The following CGGBP1 variants were observed in gnomAD, a reference collection of about 807,000 sequenced individuals.
The protein encoded by CGGBP1 is CGG triplet repeat-binding protein 1.
Under a neutral mutation model 11.4 loss-of-function variants are expected in CGGBP1, and 4 were observed. That is an observed-to-expected ratio of 0.35 (90% CI 0.17 to 0.80). The LOEUF (loss-of-function observed/expected upper bound fraction) is 0.80, where lower values mean the gene tolerates loss of function less well. CGGBP1 is among the 30% of genes least tolerant of loss of function. The pLI, the probability that CGGBP1 is intolerant of heterozygous loss-of-function variation, is 0.52. For synonymous variants in CGGBP1, 76 were observed against 74.1 expected (o/e 1.03, Z -0.13); for missense variants, 135 against 202.1 (o/e 0.67, Z 2.01).
At chr3:88,134,153 G>A (rs1261809304) in intron 2 of CGGBP1, among the ~76,000 whole-genome samples, 1 of 151,176 alleles carries the variant, frequency 6.6e-6, no homozygotes, top group Non-Finnish European at 1.5e-5. Context: ...TAAATAGCTA[G>A]TATGAAATGG....
intron 2 of CGGBP1, among the ~76,000 whole-genome samples, chr3:88,107,019 A>T (rs982132423): frequency 2.0e-5 from 3 of 152,210 alleles, no homozygotes; most frequent in African/African-American, 7.2e-5. Flanking sequence ...GAGGCTTTAC[A>T]AAATTGGCTG....
In CGGBP1 at chr3:88,145,466, T is replaced by C. The variant is rs185716236; in HGVS notation, c.-338+4245A>G. 2.7e-3 allele frequency among the ~76,000 whole-genome samples: 406 copies of C among 152,248 alleles called. 2 individuals are homozygous for C. The highest frequency in any genetic ancestry group is 8.5e-3 in the African/African-American group (354 of 41,564). ...GTCATATGATCTTAGACTCAATATA[T>C]TCCATATTCAAAATAATGAATGTAG... On this transcript the variant is annotated intron_variant, in intron 1 of 3. Transcript: ENST00000462901.
Position 88,055,241 on chromosome 3 carries a change from G to A in CGGBP1, c.*232C>T, listed in dbSNP as rs1392591246. Reference sequence around the variant, plus strand: ...TTTTAAAGATAACCATCAGGTTTCAGGTATCCTAGCACACTCTAAACCTAG... The same window carrying A: ...TTTTAAAGATAACCATCAGGTTTCAAGTATCCTAGCACACTCTAAACCTAG... On this transcript the variant is annotated 3_prime_UTR_variant, in exon 4 of 4. Coordinates refer to ENST00000482016, the MANE Select transcript of CGGBP1 (RefSeq NM_001008390.2). The surrounding 1 kb of genome is among the most constrained non-coding windows in gnomAD (Gnocchi z 4.2). 2 of 372,266 alleles carry A rather than the reference G, an allele frequency of 5.4e-6. No homozygotes were observed. The highest frequency in any genetic ancestry group is 4.8e-6 in the Non-Finnish European group (1 of 209,866). 23.1% of individuals were successfully genotyped at this position (372,266 alleles called of 1,614,324 possible).
chr3:88,104,545 T>G (rs913307636), intron 2 of CGGBP1, among the ~76,000 whole-genome samples: 14 of 152,336 alleles, frequency 9.2e-5, no homozygotes, highest in Admixed American at 4.6e-4. Context: ...TAGTGAAATA[T>G]TATTGGTTTG....
At chr3:88,099,059 A>G (rs1267101268) in intron 2 of CGGBP1, among the ~76,000 whole-genome samples, 1 of 152,236 alleles carries the variant, frequency 6.6e-6, no homozygotes, top group Non-Finnish European at 1.5e-5. Flanking sequence ...CTGTTTGCAG[A>G]TGACATGATT....
At chr3:88,127,124 G>T (rs1295364236) in intron 2 of CGGBP1, among the ~76,000 whole-genome samples, 1 of 152,206 alleles carries the variant, frequency 6.6e-6, no homozygotes, top group Non-Finnish European at 1.5e-5. Context: ...ATTTAAAAGT[G>T]TGGAGAGAGC....
At position 88,055,345 on chromosome 3, in the gene CGGBP1, A is replaced by G. The variant is rs889958655; in HGVS notation, c.*128T>C. 2.2e-6 allele frequency: 2 copies of G among 914,304 alleles called. No homozygotes were observed. Among genetic ancestry groups the G allele is most frequent in the African/African-American group, 3.3e-5 (2 of 60,112 alleles). 56.6% of individuals were successfully genotyped at this position (914,304 alleles called of 1,614,324 possible). A position where few individuals can be genotyped will look rare whatever the true frequency, so the allele number is the denominator to read the frequency against. On this transcript the variant is annotated 3_prime_UTR_variant, in exon 4 of 4. Transcript: ENST00000482016. The surrounding 1 kb of genome is among the most constrained non-coding windows in gnomAD (Gnocchi z 4.2). ...TGGTTTTTTTTTTGCCTGCAACTAT[A>G]TACACATTGCAAAACTATTCTGCGT... is the stretch of plus-strand genomic sequence containing the variant.
At position 88,109,142 on chromosome 3, in the gene CGGBP1, AGTGTGTGT is replaced by A. The variant is rs35595112; in HGVS notation, c.-229+31820_-229+31827del. Among the ~76,000 whole-genome samples, 443 of 142,526 alleles carry A rather than the reference AGTGTGTGT, an allele frequency of 3.1e-3. 2 individuals are homozygous for A. The highest frequency in any genetic ancestry group is 9.7e-3 in the African/African-American group (373 of 38,612). The allele number at this position is 142,526 out of a possible 152,430, so 93.5% of individuals were successfully genotyped here. A position where few individuals can be genotyped will look rare whatever the true frequency, so the allele number is the denominator to read the frequency against. ...TATCCCCTGTGGATAAGTGGGCACT[AGTGTGTGT>A]GTGTGTGTGTGTGTGTGTGTGTGTG... On this transcript the variant is annotated intron_variant, in intron 2 of 3. Coordinates refer to the CGGBP1 transcript ENST00000462901.
chr3:88,091,941 A>G lies in CGGBP1; in HGVS notation c.-228-33718T>C, dbSNP rs116319610. Reference sequence around the variant, plus strand: ...CTTCATAGCAGTATGAAAATGGACTAAAACACTAGCTTTTCTACTACTGCC... The same window carrying G: ...CTTCATAGCAGTATGAAAATGGACTGAAACACTAGCTTTTCTACTACTGCC... On this transcript the variant is annotated intron_variant, in intron 2 of 3. Coordinates refer to the CGGBP1 transcript ENST00000462901. Among the ~76,000 whole-genome samples the G allele has an allele frequency of 2.6e-3, 401 of 152,338 alleles. 1 individual carries two copies. The highest frequency in any genetic ancestry group is 9.4e-3 in the African/African-American group (390 of 41,576).
chr3:88,094,564 A>G (rs1703943743), intron 2 of CGGBP1, among the ~76,000 whole-genome samples: 1 of 152,152 alleles, frequency 6.6e-6, no homozygotes, highest in Non-Finnish European at 1.5e-5. Context: ...TTCTAAAGGA[A>G]GGAAAGCTTG....
chr3:88,074,232 G>A (rs1707671408), intron 2 of CGGBP1, among the ~76,000 whole-genome samples: 1 of 152,136 alleles, frequency 6.6e-6, no homozygotes, highest in South Asian at 2.1e-4. Flanking sequence ...ATGATTTAGA[G>A]ATGGGTATTT....
At chr3:88,070,514 A>C (rs556109842) in intron 2 of CGGBP1, among the ~76,000 whole-genome samples, 21 of 152,004 alleles carry the variant, frequency 1.4e-4, no homozygotes, top group Admixed American at 3.9e-4. Context: ...ATACCAAAAA[A>C]AGTTATGAAC....
chr3:88,118,978 G>A (rs1373514724), intron 2 of CGGBP1, among the ~76,000 whole-genome samples: 3 of 148,836 alleles, frequency 2.0e-5, no homozygotes, highest in Non-Finnish European at 3.0e-5. Flanking sequence ...TCAGTGTGGC[G>A]ATTCCTCAGG....
chr3:88,108,712 A>G (rs1191901523), intron 2 of CGGBP1, among the ~76,000 whole-genome samples: 2 of 152,064 alleles, frequency 1.3e-5, no homozygotes, highest in Non-Finnish European at 2.9e-5. Context: ...TGTTCAGGTA[A>G]CCCTTATTTT....
In CGGBP1 at chr3:88,055,256, T is replaced by A; in HGVS notation, c.*217A>T. On this transcript the variant is annotated 3_prime_UTR_variant, in exon 4 of 4. Transcript: ENST00000482016. The surrounding 1 kb of genome is among the most constrained non-coding windows in gnomAD (Gnocchi z 4.2). ...TCAGGTTTCAGGTATCCTAGCACAC[T>A]CTAAACCTAGGTTTTGCTTTATACC... The A allele has an allele frequency of 2.4e-6, 1 of 421,340 alleles. No homozygotes were observed. Among genetic ancestry groups the A allele is most frequent in the Non-Finnish European group, 4.2e-6 (1 of 239,872 alleles). 26.1% of individuals were successfully genotyped at this position (421,340 alleles called of 1,614,324 possible).
chr3:88,092,029 A>G (rs1703771417), intron 2 of CGGBP1, among the ~76,000 whole-genome samples: 2 of 152,240 alleles, frequency 1.3e-5, no homozygotes, highest in Admixed American at 1.3e-4. Context: ...TGTAAGGCAA[A>G]AGAAATATGT....
At chr3:88,119,001 G>A (rs1705587336) in intron 2 of CGGBP1, among the ~76,000 whole-genome samples, 1 of 149,246 alleles carries the variant, frequency 6.7e-6, no homozygotes, top group South Asian at 2.2e-4. Context: ...TCTAGAACTG[G>A]AAATACCATT....
At chr3:88,121,930 G>A (rs1705793237) in intron 2 of CGGBP1, among the ~76,000 whole-genome samples, 2 of 152,120 alleles carry the variant, frequency 1.3e-5, no homozygotes, top group African/African-American at 4.8e-5. Flanking sequence ...ACCCTATTTT[G>A]ATTAAAAAGT....
At chr3:88,068,584 A>T (rs1402926829) in intron 2 of CGGBP1, among the ~76,000 whole-genome samples, 1 of 152,158 alleles carries the variant, frequency 6.6e-6, no homozygotes, top group African/African-American at 2.4e-5. Flanking sequence ...CAGTGATTTG[A>T]TGTGTGTATG....
Sources: gnomAD v4.1 joint callset for allele counts (sites outside exome capture counted in the v4.1 genomes callset) on GRCh38, gnomAD v4.1.1 for gene constraint, Gnocchi (gnomAD v3.1) non-coding constraint, MANE v1.5 for transcripts, NCBI Gene and HGNC (gene_info 2026-07-23, HGNC 2026-07-21) for gene names.